The following ZNF354A variants were observed in gnomAD, a reference collection of about 807,000 sequenced individuals.
ZNF354A encodes zinc finger protein 354A.
A neutral mutation model predicts 53.3 loss-of-function variants in ZNF354A; 25 were observed. The observed-to-expected ratio is 0.47, with a 90% CI of 0.34 to 0.66. ZNF354A has a LOEUF of 0.66. Among genes scored for constraint, ZNF354A ranks in the 30% least tolerant of loss-of-function variants. The pLI, the probability that ZNF354A is intolerant of heterozygous loss-of-function variation, is 0.01. For missense variants in ZNF354A, 586 were observed against 716.8 expected (o/e 0.82, Z 2.08); for synonymous variants, 228 against 249.0 (o/e 0.92, Z 0.79).
At chr5:178,730,238 G>C (rs1464328487) in intron 1 of ZNF354A, among the ~76,000 whole-genome samples, 2 of 152,140 alleles carry the variant, frequency 1.3e-5, no homozygotes, top group African/African-American at 4.8e-5. Context: ...GACGGACTCG[G>C]AAACCGGGGC....
In ZNF354A at chr5:178,712,291, T is replaced by C. The variant is rs760891522; in HGVS notation, c.1587A>G (p.Ile529Met). 9.3e-6 allele frequency: 15 copies of C among 1,614,012 alleles called. No individual in the cohort carries two copies. The highest frequency in any genetic ancestry group is 2.7e-5 in the African/African-American group (2 of 74,936). Residue 529 changes from isoleucine (I) to methionine (M), a missense_variant, in exon 5 of 5, where the codon ATA (isoleucine) becomes ATG (methionine). Physicochemically the swap from Ile to Met is conservative, Grantham distance 10 (BLOSUM62 1). Transcript: ENST00000335815. ...TAAGAGCTGAACTTTGGCCAAAAGA[T>C]ATCCCACATTCCTCACATCGATATG... is the stretch of plus-strand genomic sequence containing the variant. ...EKPYRCEECG[I>M]SFGQSSALIQ... is the part of the protein sequence containing the mutation.
intron 4 of ZNF354A, among the ~76,000 whole-genome samples, chr5:178,718,413 C>A (rs1765753935): frequency 6.6e-6 from 1 of 152,224 alleles, no homozygotes; most frequent in Admixed American, 6.5e-5. Context: ...GACTCTTCCA[C>A]CTGGACTCTC....
chr5:178,715,939 C>G (rs916058387), intron 4 of ZNF354A, among the ~76,000 whole-genome samples: 7 of 151,094 alleles, frequency 4.6e-5, no homozygotes, highest in African/African-American at 1.7e-4. Flanking sequence ...CTGTGTCACC[C>G]AGGCTGGAGT....
intron 4 of ZNF354A, among the ~76,000 whole-genome samples, chr5:178,722,832 C>T (rs985406605): frequency 6.6e-6 from 1 of 152,168 alleles, no homozygotes; most frequent in African/African-American, 2.4e-5. Context: ...AAATAAAGCA[C>T]GGTGAGGAGA....
rs754022802 is a variant in ZNF354A at position 178,713,629 on chromosome 5, G to GAA, written c.257-10_257-9dup. The GAA allele has an allele frequency of 3.5e-6, 5 of 1,438,726 alleles. No homozygotes were observed. Among genetic ancestry groups the GAA allele is most frequent in the South Asian group, 3.0e-5 (2 of 67,392 alleles). 89.1% of individuals were successfully genotyped at this position (1,438,726 alleles called of 1,614,324 possible). A position where few individuals can be genotyped will look rare whatever the true frequency, so the allele number is the denominator to read the frequency against. ...TATGACTGCTCTTCGATCCTGGAGG[G>GAA]AAAAAAAAAATCAAAAATGTTTCAT... On this transcript the variant is annotated splice_polypyrimidine_tract_variant and intron_variant, in intron 4 of 4. Transcript: ENST00000335815.
In ZNF354A at chr5:178,725,518, T is replaced by C. The variant is rs112865750; in HGVS notation, c.161-47A>G. The C allele has an allele frequency of 4.8e-4, 763 of 1,580,940 alleles. 4 individuals carry two copies. In the African/African-American group the frequency reaches 7.3e-3, roughly 15 times the overall value. ...CAACCAAACAAATCAGACTTGGTTT[T>C]GTATTGATACAGTTATCCCAAATTT... On this transcript the variant is annotated intron_variant, in intron 3 of 4. Transcript: ENST00000335815.
intron 4 of ZNF354A, among the ~76,000 whole-genome samples, chr5:178,723,569 C>A (rs1323853985): frequency 6.6e-6 from 1 of 152,218 alleles, no homozygotes; most frequent in East Asian, 1.9e-4. Context: ...CACAGGGAAG[C>A]CTTTGCTGAC....
At chr5:178,713,984 GT>G (rs35809830) in intron 4 of ZNF354A, among the ~76,000 whole-genome samples, 50 of 141,644 alleles carry the variant, frequency 3.5e-4, no homozygotes, top group African/African-American at 6.7e-4. Context: ...ATTTTTTTTT[GT>G]TTTTTTTTTT....
Position 178,730,404 on chromosome 5 carries a change from G to T in ZNF354A, c.-52+152C>A, listed in dbSNP as rs111776026. On this transcript the variant is annotated intron_variant, in intron 1 of 4. Transcript: ENST00000335815. ...GCAACGGCGAGGGAGCGCCCCGCGGGGGGGCGAGAGTCCAGATCCCGGCGC... is the reference window on the plus strand; with the variant it reads ...GCAACGGCGAGGGAGCGCCCCGCGGTGGGGCGAGAGTCCAGATCCCGGCGC... Among the ~76,000 whole-genome samples, 23 of 152,214 alleles carry T rather than the reference G, an allele frequency of 1.5e-4. 1 individual carries two copies. Among genetic ancestry groups the T allele is most frequent in the South Asian group, 1.4e-3 (7 of 4,832 alleles).
intron 4 of ZNF354A, among the ~76,000 whole-genome samples, chr5:178,722,495 C>T (rs567291034): frequency 1.4e-4 from 21 of 152,334 alleles, no homozygotes; most frequent in Non-Finnish European, 4.4e-5. Context: ...GCATCCCTGA[C>T]AACCCCATCT....
chr5:178,713,974 AT>A (rs1054905137), intron 4 of ZNF354A, among the ~76,000 whole-genome samples: 4 of 139,782 alleles, frequency 2.9e-5, no homozygotes, highest in East Asian at 2.2e-4. Flanking sequence ...TGGAATCCTA[AT>A]TTTTTTTTGT....
chr5:178,729,556 CTT>C (rs113489869), intron 1 of ZNF354A, among the ~76,000 whole-genome samples: 1 of 146,578 alleles, frequency 6.8e-6, no homozygotes, highest in Admixed American at 6.7e-5. Context: ...CGGAAAACGG[CTT>C]TTTTTTTTTT....
rs1284713160 is a variant in ZNF354A at position 178,713,218 on chromosome 5, T to C, written c.660A>G (p.Glu220=). 1.2e-6 allele frequency: 2 copies of C among 1,614,066 alleles called. No homozygotes were observed. Among genetic ancestry groups the C allele is most frequent in the Admixed American group, 1.7e-5 (1 of 60,002 alleles). Residue 220 remains glutamate (E), a synonymous_variant, in exon 5 of 5, where the codon GAA becomes GAG. Coordinates refer to ENST00000335815, the MANE Select transcript of ZNF354A (RefSeq NM_005649.3). ...ADKRYKCSLC[E]KTFINTSSLR... ...GGGATGAAGTGTTAATGAAGGTTTT[T>C]TCACACAGACTACATTTATAGCGTT...
At chr5:178,722,456 C>A (rs563957740) in intron 4 of ZNF354A, among the ~76,000 whole-genome samples, 1 of 152,194 alleles carries the variant, frequency 6.6e-6, no homozygotes, top group Admixed American at 6.5e-5. Context: ...CATCACCAAC[C>A]GTCACAGAAC....
chr5:178,713,261 G>A lies in ZNF354A; in HGVS notation c.617C>T (p.Pro206Leu), dbSNP rs759403987. 1 of 1,614,076 alleles carries A rather than the reference G, an allele frequency of 6.2e-7. No individual in the cohort carries two copies. Among genetic ancestry groups the A allele is most frequent in the Admixed American group, 1.7e-5 (1 of 60,014 alleles). ...ATAGCGTTTATCTGCTGTAATTTTTGGTTGATTAAGTAATTGTGAATTCTG... is the reference window on the plus strand; with the variant it reads ...ATAGCGTTTATCTGCTGTAATTTTTAGTTGATTAAGTAATTGTGAATTCTG... ...LKQNSQLLNQ[P>L]KITADKRYKC... The change falls in exon 5 of 5, where the codon CCA (proline) becomes CTA (leucine). Residue 206 changes from proline (P) to leucine (L), a missense_variant. By Grantham distance (98) the Pro-to-Leu change is moderately conservative. Around this residue, in one of 2 missense-constraint regions of ZNF354A, gnomAD observed 573 missense variants for 680.1 expected, o/e 0.84. Coordinates refer to ENST00000335815, the MANE Select transcript of ZNF354A (RefSeq NM_005649.3).
At chr5:178,726,225 G>A (rs1242680512) in intron 3 of ZNF354A, 4 of 455,872 alleles carry the variant, frequency 8.8e-6, no homozygotes, top group South Asian at 4.6e-5. Flanking sequence ...TTTATGTATG[G>A]CCCTGTGCAA....
chr5:178,722,633 AACCTAGTCCAAGTC>A (rs1765831842), intron 4 of ZNF354A, among the ~76,000 whole-genome samples: 1 of 152,122 alleles, frequency 6.6e-6, no homozygotes, highest in African/African-American at 2.4e-5. Context: ...CAACACCACT[AACCTAGTCCAAGTC>A]ACTCGTGCAT....
chr5:178,717,096 A>AAAAG (rs1765730449), intron 4 of ZNF354A, among the ~76,000 whole-genome samples: 1 of 149,818 alleles, frequency 6.7e-6, no homozygotes. Context: ...AAAAAAAAAA[A>AAAAG]GTAAACAAAA....
In ZNF354A at chr5:178,713,297, T is replaced by C. The variant is rs1247105793; in HGVS notation, c.581A>G (p.Asn194Ser). The change falls in exon 5 of 5, where the codon AAC (asparagine) becomes AGC (serine). Residue 194 changes from asparagine (N) to serine (S), a missense_variant. Physicochemically the swap from Asn to Ser is conservative, Grantham distance 46. This residue lies in a region of ZNF354A where 573 missense variants were observed against 680.1 expected (regional missense o/e 0.84). Transcript: ENST00000335815. ...TAATTGTGAATTCTGTTTGAGGCTG[T>C]TTCCTTGTATTTCACATTTTGGTGG... Reference protein sequence around the residue: ...KTPPKCEIQGNSLKQNSQLLN... With the variant: ...KTPPKCEIQGSSLKQNSQLLN... The C allele has an allele frequency of 2.5e-6, 4 of 1,614,072 alleles. No homozygotes were observed. The South Asian group carries it at 4.4e-5, about 18-fold the overall frequency.
Sources: gnomAD v4.1 joint callset for allele counts (sites outside exome capture counted in the v4.1 genomes callset) on GRCh38, gnomAD v4.1.1 for gene constraint, gnomAD v4.1.1 regional missense constraint, MANE v1.5 for transcripts, NCBI Gene and HGNC (gene_info 2026-07-23, HGNC 2026-07-21) for gene names.